PSMA6: variants seen among roughly 807,000 people sequenced by gnomAD.
PSMA6 encodes proteasome subunit alpha type-6.
For synonymous variants in PSMA6, 88 were observed against 97.7 expected (o/e 0.90, Z 0.59); for missense variants, 170 against 294.8 (o/e 0.58, Z 3.10).
At chr14:35,285,420 C>G (rs1376962770) in intron 1 of PSMA6, among the ~76,000 whole-genome samples, 1 of 151,446 alleles carries the variant, frequency 6.6e-6, no homozygotes, top group Non-Finnish European at 1.5e-5. Flanking sequence ...GAACTGGTTT[C>G]TAAATTAGTG....
chr14:35,292,453 G>C lies in PSMA6; in HGVS notation c.-24G>C, dbSNP rs1242665208. 6.2e-7 allele frequency: 1 copy of C among 1,610,592 alleles called. No individual in the cohort carries two copies. Among genetic ancestry groups the C allele is most frequent in the Non-Finnish European group, 8.5e-7 (1 of 1,178,384 alleles). ...GGGAGCTACGGGGCCCAGGGATTGT[G>C]TTTAAAGTAGTGCTTCTACCAACAT... is the stretch of plus-strand genomic sequence containing the variant. On this transcript the variant is annotated 5_prime_UTR_variant, in exon 1 of 7. Coordinates refer to ENST00000261479, the MANE Select transcript of PSMA6 (RefSeq NM_002791.3).
At chr14:35,311,018 G>A in intron 4 of PSMA6, 123 bp downstream of exon 4, 2 of 923,076 alleles carry the variant, frequency 2.2e-6, no homozygotes, top group Non-Finnish European at 3.2e-6. Flanking sequence ...ACATAGAGTG[G>A]GAAAATCTTT....
Position 35,313,072 on chromosome 14 carries a change from A to G in PSMA6, c.588+13A>G. The G allele has an allele frequency of 1.3e-6, 2 of 1,557,314 alleles. No individual in the cohort carries two copies. The highest frequency in any genetic ancestry group is 1.4e-5 in the African/African-American group (1 of 70,238). Reference sequence around the variant, plus strand: ...ACAGACAGTGGAAGTAAGTCAACCAAAAGGAGCTGACTTTTTTTATGCTAT... The same window carrying G: ...ACAGACAGTGGAAGTAAGTCAACCAGAAGGAGCTGACTTTTTTTATGCTAT... On this transcript the variant is annotated intron_variant, in intron 5 of 6. Coordinates refer to ENST00000261479, the MANE Select transcript of PSMA6 (RefSeq NM_002791.3).
chr14:35,290,735 A>AG (rs2051468227), upstream of PSMA6, among the ~76,000 whole-genome samples: 2 of 152,170 alleles, frequency 1.3e-5, no homozygotes. Context: ...GGGGAGAAAA[A>AG]CAACTATCCT....
chr14:35,282,714 G>A (rs1261655446), intron 1 of PSMA6, among the ~76,000 whole-genome samples: 2 of 152,030 alleles, frequency 1.3e-5, no homozygotes, highest in African/African-American at 4.8e-5. Context: ...AATTAGCTGG[G>A]CACGGTGGCA....
intron 5 of PSMA6, chr14:35,313,299 T>A (rs1291319973): frequency 8.0e-6 from 3 of 376,638 alleles, no homozygotes; most frequent in East Asian, 5.3e-5. Context: ...TAGGAAAATA[T>A]AAATAAAAAT....
At chr14:35,283,743 T>C (rs2051393243) in intron 1 of PSMA6, among the ~76,000 whole-genome samples, 1 of 151,992 alleles carries the variant, frequency 6.6e-6, no homozygotes, top group Non-Finnish European at 1.5e-5. Context: ...GGTTAATTTA[T>C]TTTTTGTAGA....
chr14:35,287,114 G>A (rs1002359273), intron 1 of PSMA6, among the ~76,000 whole-genome samples: 1 of 152,166 alleles, frequency 6.6e-6, no homozygotes, highest in Non-Finnish European at 1.5e-5. Context: ...GCCAACCATA[G>A]CTACTGGGGT....
rs143309416 is a variant in PSMA6 at position 35,301,447 on chromosome 14, C to T, written c.77-6547C>T. ...GCTTGAACCTGGGAGGCAGAGGTTG[C>T]GGCGAGCCAAGATTGCTCCACTGCA... On this transcript the variant is annotated intron_variant, in intron 1 of 6. Coordinates refer to ENST00000261479, the MANE Select transcript of PSMA6 (RefSeq NM_002791.3). Among the ~76,000 whole-genome samples the T allele has an allele frequency of 1.7e-3, 257 of 151,780 alleles. 2 individuals carry two copies. The highest frequency in any genetic ancestry group is 6.1e-3 in the African/African-American group (251 of 41,380).
In PSMA6 at chr14:35,293,631, A is replaced by ATAGTT. The variant is rs1358579721; in HGVS notation, c.76+1083_76+1084insTTAGT. ...ATGAAACTGCTCAGTGTATTACTGCATAGTGTATATAATGTAGCAAGAAAC... is the reference window on the plus strand; with the variant it reads ...ATGAAACTGCTCAGTGTATTACTGCATAGTTTAGTGTATATAATGTAGCAAGAAAC... On this transcript the variant is annotated intron_variant, in intron 1 of 6. Coordinates refer to ENST00000261479, the MANE Select transcript of PSMA6 (RefSeq NM_002791.3). 3.9e-5 allele frequency among the ~76,000 whole-genome samples: 6 copies of ATAGTT among 152,242 alleles called. No individual in the cohort carries two copies. In the East Asian group the frequency reaches 1.2e-3, roughly 29 times the overall value.
At chr14:35,287,508 G>A (rs976783968), upstream of PSMA6, among the ~76,000 whole-genome samples, 13 of 152,034 alleles carry the variant, frequency 8.6e-5, no homozygotes, top group African/African-American at 3.1e-4. Context: ...TAAACACCAT[G>A]TGATTCAGCA....
At chr14:35,282,988 G>A (rs529536334) in intron 1 of PSMA6, among the ~76,000 whole-genome samples, 3 of 151,876 alleles carry the variant, frequency 2.0e-5, no homozygotes, top group African/African-American at 4.8e-5. Flanking sequence ...GACTACAGGC[G>A]TGCACCACCA....
intron 1 of PSMA6, among the ~76,000 whole-genome samples, chr14:35,283,552 CTTTT>C (rs750836861): frequency 7.9e-6 from 1 of 126,686 alleles, no homozygotes. Context: ...GACTAGAACT[CTTTT>C]TTTTTTTTTT....
intron 6 of PSMA6, 110 bp downstream of exon 6, chr14:35,314,565 T>C (rs2052004494): frequency 7.6e-7 from 1 of 1,313,664 alleles, no homozygotes; most frequent in Admixed American, 3.4e-5. Context: ...ATTATAGTTT[T>C]TGTTTGTGTG....
intron 5 of PSMA6, chr14:35,314,157 C>T: frequency 2.9e-6 from 1 of 348,260 alleles, no homozygotes; most frequent in Non-Finnish European, 4.9e-6. Context: ...AATTAATGGA[C>T]CCCTTTATTA....
At chr14:35,284,243 C>T (rs951019888) in intron 1 of PSMA6, among the ~76,000 whole-genome samples, 1 of 152,054 alleles carries the variant, frequency 6.6e-6, no homozygotes, top group African/African-American at 2.4e-5. Flanking sequence ...TCTTCCTCTG[C>T]TTGTTTATGC....
intron 1 of PSMA6, among the ~76,000 whole-genome samples, chr14:35,283,939 C>G (rs2138702973): frequency 6.6e-6 from 1 of 152,286 alleles, no homozygotes; most frequent in African/African-American, 2.4e-5. Flanking sequence ...TTCAGGCCTT[C>G]AAAAACTTTC....
chr14:35,290,749 A>G (rs1351848641), upstream of PSMA6, among the ~76,000 whole-genome samples: 1 of 152,114 alleles, frequency 6.6e-6, no homozygotes, highest in African/African-American at 2.4e-5. Context: ...CTATCCTAAC[A>G]TTATGTTTTG....
At chr14:35,316,426 CATGGAG>C (rs1168832997) in intron 6 of PSMA6, 13 of 150,548 alleles carry the variant, frequency 8.6e-5, no homozygotes, top group African/African-American at 3.2e-4. Flanking sequence ...ATATGTTCAA[CATGGAG>C]CACTCTCTGG....
Sources: allele counts gnomAD v4.1 joint callset (sites outside exome capture counted in the v4.1 genomes callset), GRCh38; gene constraint gnomAD v4.1.1; transcripts MANE v1.5; gene names NCBI Gene and HGNC (gene_info 2026-07-23, HGNC 2026-07-21).